LRBA: variants seen among roughly 807,000 people sequenced by gnomAD.
LRBA encodes lipopolysaccharide-responsive and beige-like anchor protein.
In LRBA, 176 loss-of-function variants were observed where a neutral mutation model predicts 330.0. That is an observed-to-expected ratio of 0.53 (90% CI 0.47 to 0.60). The LOEUF (loss-of-function observed/expected upper bound fraction) is 0.60. LRBA is among the 20% of genes least tolerant of loss of function. The pLI is 0.00. For synonymous variants in LRBA, 1,230 were observed against 1,193.0 expected (o/e 1.03, Z -0.64); for missense variants, 3,259 against 3,444.8 (o/e 0.95, Z 1.35).
chr4:150,369,779 T>C (rs1739992546), intron 47 of LRBA, among the ~76,000 whole-genome samples: 1 of 152,210 alleles, frequency 6.6e-6, no homozygotes, highest in Non-Finnish European at 1.5e-5. Context: ...TGCTTCCTGA[T>C]TCAAAGGTGT....
intron 36 of LRBA, among the ~76,000 whole-genome samples, chr4:150,717,579 G>T (rs1582134441): frequency 1.3e-5 from 2 of 151,310 alleles, no homozygotes; most frequent in East Asian, 3.9e-4. Flanking sequence ...AAGATCACTT[G>T]AATCCAGGAA....
intron 34 of LRBA, among the ~76,000 whole-genome samples, chr4:150,791,010 A>G (rs1328527430): frequency 1.3e-5 from 2 of 152,238 alleles, no homozygotes; most frequent in Non-Finnish European, 2.9e-5. Flanking sequence ...TTCTAAGGAT[A>G]AGTTACAAAC....
chr4:150,266,575 A>G (rs1383477006), intron 56 of LRBA, among the ~76,000 whole-genome samples: 2 of 152,162 alleles, frequency 1.3e-5, no homozygotes, highest in Non-Finnish European at 2.9e-5. Context: ...CCTTCCTAGT[A>G]CCTCGTATCA....
chr4:150,380,125 G>A (rs923845544), intron 47 of LRBA, among the ~76,000 whole-genome samples: 1 of 151,048 alleles, frequency 6.6e-6, no homozygotes, highest in Admixed American at 6.6e-5. Flanking sequence ...GTTGCAGTGA[G>A]CCGAGATCAC....
chr4:150,789,022 C>T lies in LRBA; in HGVS notation c.5580+9059G>A, dbSNP rs571767724. ...CTGGGAGGCAGAGATTGCAGTGAGC[C>T]GAGATCATGCCACTGCACTCTAGCC... is the stretch of plus-strand genomic sequence containing the variant. On this transcript the variant is annotated intron_variant, in intron 34 of 56. Transcript: ENST00000651943. Among the ~76,000 whole-genome samples, 10 of 149,814 alleles carry T rather than the reference C, an allele frequency of 6.7e-5. No homozygotes were observed. The South Asian group carries it at 1.5e-3, about 23-fold the overall frequency.
chr4:150,607,954 G>T (rs566404429), intron 37 of LRBA, among the ~76,000 whole-genome samples: 1 of 152,344 alleles, frequency 6.6e-6, no homozygotes, highest in Admixed American at 6.5e-5. Flanking sequence ...AGAATTGCTT[G>T]AACCTGGGAG....
chr4:150,977,974 G>A (rs1273223770), intron 2 of LRBA, among the ~76,000 whole-genome samples: 1 of 152,262 alleles, frequency 6.6e-6, no homozygotes, highest in Non-Finnish European at 1.5e-5. Flanking sequence ...TACCCTGAAG[G>A]GAAGGACATA....
rs12647342 is a variant in LRBA at position 150,756,381 on chromosome 4, T to C, written c.5645+5402A>G. ...TTTCTGCCAGCAAAATTAACATCAA[T>C]ACTGAGATACTAAATTTTTTTGCAA... On this transcript the variant is annotated intron_variant, in intron 35 of 56. Coordinates refer to ENST00000651943, the MANE Select transcript of LRBA (RefSeq NM_001364905.1). Among the ~76,000 whole-genome samples the C allele has an allele frequency of 2.0e-5, 3 of 152,066 alleles. No individual in the cohort carries two copies. In the East Asian group the frequency reaches 5.8e-4, roughly 29 times the overall value.
At chr4:150,503,495 G>A (rs1267611998) in intron 40 of LRBA, among the ~76,000 whole-genome samples, 1 of 152,142 alleles carries the variant, frequency 6.6e-6, no homozygotes, top group African/African-American at 2.4e-5. Context: ...ACTGGGTCTG[G>A]AGTGGACTCT....
intron 37 of LRBA, among the ~76,000 whole-genome samples, chr4:150,644,577 AAAAT>A (rs1163688662): frequency 6.6e-6 from 1 of 151,950 alleles, no homozygotes; most frequent in South Asian, 2.1e-4. Context: ...TAGACAATTA[AAAAT>A]AAATAAATAA....
intron 52 of LRBA, among the ~76,000 whole-genome samples, chr4:150,304,286 T>C (rs184737854): frequency 7.2e-5 from 11 of 152,220 alleles, no homozygotes; most frequent in Non-Finnish European, 1.3e-4. Flanking sequence ...AGATAATATT[T>C]ACATTAAATT....
chr4:150,489,240 GAA>G (rs1758415776), intron 41 of LRBA, among the ~76,000 whole-genome samples: 2 of 56,866 alleles, frequency 3.5e-5, no homozygotes, highest in South Asian at 1.2e-3. Flanking sequence ...TTATATATAC[GAA>G]TATATAATAT....
intron 50 of LRBA, among the ~76,000 whole-genome samples, chr4:150,318,588 T>C (rs1201713469): frequency 6.6e-6 from 1 of 152,194 alleles, no homozygotes; most frequent in Non-Finnish European, 1.5e-5. Flanking sequence ...TATGTAAACA[T>C]ACCTAAAATG....
intron 39 of LRBA, 84 bp downstream of exon 39, chr4:150,590,629 T>C (rs1772698042): frequency 3.3e-6 from 4 of 1,218,620 alleles, no homozygotes; most frequent in African/African-American, 1.5e-5. Context: ...TTGGTAGTCC[T>C]AGTGGTCACA....
chr4:150,954,817 C>CAAAAAAAAAA (rs34282784), intron 2 of LRBA, among the ~76,000 whole-genome samples: 177 of 45,476 alleles, frequency 3.9e-3, no homozygotes, highest in South Asian at 8.8e-3. Flanking sequence ...ACTCAGAAAT[C>CAAAAAAAAAA]AAAAAAAAAA....
intron 20 of LRBA, 58 bp downstream of exon 20, chr4:150,870,467 G>C (rs1219119127): frequency 1.1e-6 from 1 of 887,766 alleles, no homozygotes; most frequent in South Asian, 1.3e-5. Flanking sequence ...GTTGTTCACA[G>C]TGACTTTCTT....
At chr4:150,576,163 T>TAA (rs776085076) in intron 40 of LRBA, among the ~76,000 whole-genome samples, 2,442 of 58,330 alleles carry the variant, frequency 0.042, 72 homozygotes, top group African/African-American at 0.089. Context: ...AAACTGGTTT[T>TAA]TAAAAAAAAA....
At chr4:150,812,804 T>A (rs373316365) in intron 31 of LRBA, among the ~76,000 whole-genome samples, 16 of 152,174 alleles carry the variant, frequency 1.1e-4, no homozygotes, top group African/African-American at 3.6e-4. Context: ...AACAGTATAC[T>A]TAGTTCCACT....
At chr4:150,344,699 G>A (rs1197294851) in intron 48 of LRBA, among the ~76,000 whole-genome samples, 3 of 152,068 alleles carry the variant, frequency 2.0e-5, no homozygotes, top group Non-Finnish European at 4.4e-5. Flanking sequence ...ATATGTATGT[G>A]CCACCATGCC....
Sources: gnomAD v4.1 joint callset for allele counts (sites outside exome capture counted in the v4.1 genomes callset) on GRCh38, gnomAD v4.1.1 for gene constraint, MANE v1.5 for transcripts, NCBI Gene and HGNC (gene_info 2026-07-23, HGNC 2026-07-21) for gene names.